The following NIBAN1 variants were observed in gnomAD, a reference collection of about 807,000 sequenced individuals.
NIBAN1 encodes the protein protein Niban 1.
NIBAN1 carries 81 observed loss-of-function variants against 75.1 expected under a neutral mutation model. The observed-to-expected ratio is 1.08, with a 90% CI of 0.90 to 1.30. NIBAN1 has a LOEUF of 1.30. Among genes scored for constraint, NIBAN1 ranks in the 50% most tolerant of loss-of-function variants. NIBAN1 has a pLI of 0.00. For missense variants in NIBAN1, 1,133 were observed against 1,128.1 expected (o/e 1.00, Z -0.06); for synonymous variants, 436 against 424.8 (o/e 1.03, Z -0.32).
chr1:184,825,053 C>A (rs1654807684), intron 6 of NIBAN1, among the ~76,000 whole-genome samples: 1 of 152,178 alleles, frequency 6.6e-6, no homozygotes, highest in Admixed American at 6.5e-5. Context: ...AATTAATTAG[C>A]AGTCAGGTGG....
chr1:184,808,310 T>A (rs1365059568), intron 9 of NIBAN1, 75 bp from the exon 10 acceptor site: 2 of 1,436,172 alleles, frequency 1.4e-6, no homozygotes, highest in Non-Finnish European at 1.9e-6. Flanking sequence ...GCATATTACA[T>A]ACATTCTAAG....
At chr1:184,911,487 C>A (rs1362530241) in intron 1 of NIBAN1, among the ~76,000 whole-genome samples, 2 of 152,130 alleles carry the variant, frequency 1.3e-5, no homozygotes, top group African/African-American at 2.4e-5. Context: ...ATATGAGTAC[C>A]CCCTCCCTTA....
intron 5 of NIBAN1, among the ~76,000 whole-genome samples, chr1:184,836,528 G>A (rs1185174865): frequency 6.6e-6 from 1 of 152,214 alleles, no homozygotes. Context: ...TGATGGCTGT[G>A]TTTCAAAGAT....
intron 5 of NIBAN1, among the ~76,000 whole-genome samples, chr1:184,867,476 T>C (rs947874810): frequency 2.0e-5 from 3 of 152,158 alleles, no homozygotes; most frequent in Middle Eastern, 3.2e-3. Context: ...TCTGATATCC[T>C]AAAGCCTGGA....
At chr1:184,928,472 C>A (rs1028148961) in intron 1 of NIBAN1, among the ~76,000 whole-genome samples, 9 of 152,156 alleles carry the variant, frequency 5.9e-5, no homozygotes, top group African/African-American at 2.2e-4. Flanking sequence ...GTATTTAGGA[C>A]CCCAAAGTAC....
chr1:184,906,191 G>C (rs1231224088), intron 1 of NIBAN1, among the ~76,000 whole-genome samples: 1 of 151,980 alleles, frequency 6.6e-6, no homozygotes, highest in Non-Finnish European at 1.5e-5. Context: ...CCAGGAATTC[G>C]AGGCTGCAGT....
intron 4 of NIBAN1, 42 bp downstream of exon 4, chr1:184,890,066 G>A: frequency 7.0e-7 from 1 of 1,424,200 alleles, no homozygotes; most frequent in South Asian, 1.1e-5. Context: ...AAACAAAGAA[G>A]CTTAGTCATT....
chr1:184,962,455 C>T (rs981698819), intron 1 of NIBAN1, among the ~76,000 whole-genome samples: 2 of 152,014 alleles, frequency 1.3e-5, no homozygotes, highest in African/African-American at 4.8e-5. Context: ...ATATATTTTC[C>T]CTAGTTCTAT....
chr1:184,974,007 G>A (rs1413418760), intron 1 of NIBAN1, among the ~76,000 whole-genome samples: 1 of 152,176 alleles, frequency 6.6e-6, no homozygotes, highest in African/African-American at 2.4e-5. Flanking sequence ...AGGGCGAAGT[G>A]CGCCGGGCGG....
chr1:184,951,598 T>G (rs142925119), intron 1 of NIBAN1, among the ~76,000 whole-genome samples: 65 of 152,222 alleles, frequency 4.3e-4, no homozygotes, highest in Admixed American at 1.9e-3. Flanking sequence ...AACCCAACCA[T>G]GTCTCCCTAC....
chr1:184,807,869 G>A (rs1654249650), intron 10 of NIBAN1: 2 of 571,346 alleles, frequency 3.5e-6, no homozygotes, highest in Admixed American at 2.9e-5. Flanking sequence ...TTATTTTTCT[G>A]AGCTATGTCT....
At chr1:184,811,398 G>C (rs1294923529) in intron 9 of NIBAN1, among the ~76,000 whole-genome samples, 2 of 152,074 alleles carry the variant, frequency 1.3e-5, no homozygotes, top group African/African-American at 2.4e-5. Context: ...TATACATTAG[G>C]CCTGGGAGGC....
intron 1 of NIBAN1, among the ~76,000 whole-genome samples, chr1:184,915,247 G>C (rs1463565693): frequency 6.6e-6 from 1 of 152,232 alleles, no homozygotes; most frequent in Non-Finnish European, 1.5e-5. Flanking sequence ...TATGAGGGAA[G>C]TCAGAGAAAC....
intron 1 of NIBAN1, among the ~76,000 whole-genome samples, chr1:184,939,465 G>T (rs1461268684): frequency 6.6e-6 from 1 of 152,092 alleles, no homozygotes; most frequent in Non-Finnish European, 1.5e-5. Flanking sequence ...CCTTCTCTGG[G>T]TCTCAAGTCA....
In NIBAN1 at chr1:184,830,581, G is replaced by A. The variant is rs1386362527; in HGVS notation, c.717+1266C>T. On this transcript the variant is annotated intron_variant, in intron 6 of 13. Transcript: ENST00000367511. The stretch of plus-strand genomic sequence containing the variant: ...AAACAATAAAGAAGAGCTCCCTCAT[G>A]AGTTTTCAGCATTAGCTGTTTAATG... 3.9e-5 allele frequency among the ~76,000 whole-genome samples: 6 copies of A among 152,292 alleles called. No individual in the cohort carries two copies. The East Asian group carries it at 1.2e-3, about 29-fold the overall frequency.
At chr1:184,812,350 A>G (rs142153600) in intron 9 of NIBAN1, among the ~76,000 whole-genome samples, 2 of 152,298 alleles carry the variant, frequency 1.3e-5, no homozygotes, top group African/African-American at 2.4e-5. Context: ...TGCTCTAGCC[A>G]GAATGAAAAA....
At chr1:184,938,401 T>A (rs1658012784) in intron 1 of NIBAN1, among the ~76,000 whole-genome samples, 1 of 152,198 alleles carries the variant, frequency 6.6e-6, no homozygotes, top group Admixed American at 6.5e-5. Context: ...GTCTACCTAA[T>A]CACAAAACAA....
chr1:184,954,740 G>T (rs1439797354), intron 1 of NIBAN1, among the ~76,000 whole-genome samples: 1 of 152,162 alleles, frequency 6.6e-6, no homozygotes, highest in Non-Finnish European at 1.5e-5. Flanking sequence ...GGTTTGGTTG[G>T]ATACCATGGA....
chr1:184,967,208 T>TCC, intron 1 of NIBAN1, among the ~76,000 whole-genome samples: 1 of 150,684 alleles, frequency 6.6e-6, no homozygotes, highest in South Asian at 2.1e-4. Context: ...TCCCTCCCTC[T>TCC]CTCTCTCTCT....
Sources: allele counts gnomAD v4.1 joint callset (sites outside exome capture counted in the v4.1 genomes callset), GRCh38; gene constraint gnomAD v4.1.1; transcripts MANE v1.5; gene names NCBI Gene and HGNC (gene_info 2026-07-23, HGNC 2026-07-21).